The following CACNG2 variants were observed in gnomAD, a reference collection of about 807,000 sequenced individuals.
CACNG2 encodes calcium voltage-gated channel auxiliary subunit gamma 2.
A neutral mutation model predicts 25.9 loss-of-function variants in CACNG2; 3 were observed. The observed-to-expected ratio is 0.12, with a 90% CI of 0.05 to 0.30. CACNG2 has a LOEUF of 0.30. CACNG2 is among the 10% of genes least tolerant of loss of function. The pLI is 1.00. For missense variants in CACNG2, 341 were observed against 432.5 expected (o/e 0.79, Z 1.88); for synonymous variants, 167 against 173.3 (o/e 0.96, Z 0.29).
intron 2 of CACNG2, among the ~76,000 whole-genome samples, chr22:36,580,880 C>A (rs1935403914): frequency 6.6e-6 from 1 of 152,154 alleles, no homozygotes; most frequent in Non-Finnish European, 1.5e-5. Context: ...CAGGGACCCA[C>A]ATACACACAG....
At chr22:36,694,322 C>T (rs1937305212) in intron 1 of CACNG2, among the ~76,000 whole-genome samples, 1 of 152,150 alleles carries the variant, frequency 6.6e-6, no homozygotes, top group Non-Finnish European at 1.5e-5. Context: ...TTACAATTAG[C>T]GGTGTCTTAG....
chr22:36,584,882 T>A (rs771703572), intron 2 of CACNG2: 1 of 152,300 alleles, frequency 6.6e-6, no homozygotes, highest in Non-Finnish European at 1.5e-5. Flanking sequence ...TTGACAGACC[T>A]TAACTAGGAG....
chr22:36,615,700 C>G (rs1196466259), intron 1 of CACNG2, among the ~76,000 whole-genome samples: 1 of 152,206 alleles, frequency 6.6e-6, no homozygotes, highest in Non-Finnish European at 1.5e-5. Context: ...GGGCTTTGCT[C>G]TGCTCACTGT....
At chr22:36,671,766 C>T (rs545560285) in intron 1 of CACNG2, among the ~76,000 whole-genome samples, 3 of 152,258 alleles carry the variant, frequency 2.0e-5, no homozygotes, top group South Asian at 2.1e-4. Flanking sequence ...AGAGTCTGCA[C>T]GGGGCCTCTG....
At chr22:36,614,928 G>A (rs879536834) in intron 1 of CACNG2, among the ~76,000 whole-genome samples, 5 of 152,142 alleles carry the variant, frequency 3.3e-5, no homozygotes, top group African/African-American at 7.2e-5. Context: ...AATGCATTTC[G>A]CCTTTCCAAG....
intron 1 of CACNG2, among the ~76,000 whole-genome samples, chr22:36,646,813 AT>A (rs1198243825): frequency 6.6e-6 from 1 of 151,298 alleles, no homozygotes; most frequent in Non-Finnish European, 1.5e-5. Context: ...CTCCCATAGT[AT>A]TTTTTATGTT....
Position 36,700,299 on chromosome 22 carries a change from C to CGCTT in CACNG2, c.211+2066_211+2067insAAGC, listed in dbSNP as rs1937395189. Among the ~76,000 whole-genome samples, 3 of 152,320 alleles carry CGCTT rather than the reference C, an allele frequency of 2.0e-5. No homozygotes were observed. The East Asian group carries it at 5.8e-4, about 29-fold the overall frequency. The stretch of plus-strand genomic sequence containing the variant: ...TGGAATTTTAATCAAAATACTTAAG[C>CGCTT]CTTTTTAATGCACGAGTGATACAAA... On this transcript the variant is annotated intron_variant, in intron 1 of 3. Transcript: ENST00000300105.
intron 1 of CACNG2, among the ~76,000 whole-genome samples, chr22:36,653,181 G>A (rs186441017): frequency 8.5e-5 from 13 of 152,158 alleles, no homozygotes; most frequent in South Asian, 4.2e-4. Flanking sequence ...AATATTAGCC[G>A]GGCATGGTGG....
chr22:36,699,346 CT>C lies in CACNG2; in HGVS notation c.211+3019del, dbSNP rs1313889644. ...TTCCCTGGCCCTTCTCCCTCTCCCC[CT>C]GTGCCTGTCTCTAACAGGTGGTCAT... On this transcript the variant is annotated intron_variant, in intron 1 of 3. Transcript: ENST00000300105. 3.3e-5 allele frequency among the ~76,000 whole-genome samples: 5 copies of C among 152,238 alleles called. No homozygotes were observed. The East Asian group carries it at 9.7e-4, about 29-fold the overall frequency.
intron 3 of CACNG2, among the ~76,000 whole-genome samples, 180 bp from the exon 4 acceptor site, chr22:36,565,066 T>C (rs930347250): frequency 6.6e-6 from 1 of 152,224 alleles, no homozygotes; most frequent in Non-Finnish European, 1.5e-5. Context: ...CTTAACATTT[T>C]ATCTTTCCAT....
rs564590146 is a variant in CACNG2, at chr22:36,639,890, G to A, written c.212-52342C>T. On this transcript the variant is annotated intron_variant, in intron 1 of 3. Transcript: ENST00000300105. ...GTCATCTGTCTTCTACCCTGGGCAG[G>A]AAGCCCCCATCAACACTTTTTGAGG... 4.6e-5 allele frequency among the ~76,000 whole-genome samples: 7 copies of A among 152,308 alleles called. No individual in the cohort carries two copies. In the South Asian group the frequency reaches 1.5e-3, roughly 32 times the overall value.
At chr22:36,695,349 C>T (rs1937323837) in intron 1 of CACNG2, among the ~76,000 whole-genome samples, 1 of 152,124 alleles carries the variant, frequency 6.6e-6, no homozygotes, top group Non-Finnish European at 1.5e-5. Context: ...TTGACTAACC[C>T]AAGGTCACAC....
At chr22:36,641,776 G>A (rs188385375) in intron 1 of CACNG2, among the ~76,000 whole-genome samples, 7 of 152,142 alleles carry the variant, frequency 4.6e-5, no homozygotes, top group Non-Finnish European at 1.0e-4. Flanking sequence ...CCTGGCACAC[G>A]GCAGCAAATT....
At chr22:36,630,899 T>C (rs1165579354) in intron 1 of CACNG2, among the ~76,000 whole-genome samples, 2 of 152,114 alleles carry the variant, frequency 1.3e-5, no homozygotes, top group Non-Finnish European at 2.9e-5. Flanking sequence ...GGTACGATCT[T>C]GGCTCACTAC....
intron 1 of CACNG2, among the ~76,000 whole-genome samples, chr22:36,624,768 G>A (rs1445861343): frequency 6.6e-6 from 1 of 151,984 alleles, no homozygotes; most frequent in Non-Finnish European, 1.5e-5. Context: ...GGTGGCTCCC[G>A]CCTGTAATCC....
chr22:36,588,827 C>A (rs183184153), intron 1 of CACNG2, among the ~76,000 whole-genome samples: 2,096 of 152,248 alleles, frequency 0.014, 20 homozygotes, highest in Non-Finnish European at 0.02. Flanking sequence ...TGTCCAGCCA[C>A]CAACATAGTA....
chr22:36,663,166 G>A (rs1038467434), intron 1 of CACNG2, among the ~76,000 whole-genome samples: 7 of 152,160 alleles, frequency 4.6e-5, no homozygotes, highest in African/African-American at 1.7e-4. Flanking sequence ...GCCCAAGTCG[G>A]TCTACGGGTG....
At chr22:36,700,268 A>C (rs758684447) in intron 1 of CACNG2, among the ~76,000 whole-genome samples, 1 of 152,272 alleles carries the variant, frequency 6.6e-6, no homozygotes, top group Non-Finnish European at 1.5e-5. Flanking sequence ...GTGGACATCA[A>C]ACAGATGGAA....
chr22:36,603,467 T>G (rs4821508), intron 1 of CACNG2, among the ~76,000 whole-genome samples: 30,992 of 152,196 alleles, frequency 0.2, 3,838 homozygotes, highest in Non-Finnish European at 0.28. Context: ...CAACAAATTT[T>G]CAAGGTAGAT....
Sources: allele counts gnomAD v4.1 joint callset (sites outside exome capture counted in the v4.1 genomes callset), GRCh38; gene constraint gnomAD v4.1.1; transcripts MANE v1.5; gene names NCBI Gene and HGNC (gene_info 2026-07-23, HGNC 2026-07-21).